Variants in SORCS1 observed in about 807,000 individuals in gnomAD.
The protein encoded by SORCS1 is sortilin related VPS10 domain containing receptor 1.
In SORCS1, 60 loss-of-function variants were observed where a neutral mutation model predicts 146.1. That is an observed-to-expected ratio of 0.41 (90% CI 0.33 to 0.51). The LOEUF (loss-of-function observed/expected upper bound fraction) is 0.51, where lower values mean the gene tolerates loss of function less well. Ranked by LOEUF, SORCS1 falls within the 20% of genes least tolerant of loss-of-function variation. The pLI is 0.21. For missense variants in SORCS1, 1,352 were observed against 1,487.6 expected, an observed-to-expected ratio of 0.91 and a Z score of 1.50; for synonymous variants, 637 against 584.0, an observed-to-expected ratio of 1.09 and a Z score of -1.31.
At chr10:106,791,558 G>A (rs1423035237) in intron 3 of SORCS1, among the ~76,000 whole-genome samples, 1 of 152,070 alleles carries the variant, frequency 6.6e-6, no homozygotes, top group Non-Finnish European at 1.5e-5. Flanking sequence ...AATTAGTTGG[G>A]CGTGGTGGTG....
chr10:106,779,463 C>T (rs575825893), intron 3 of SORCS1, among the ~76,000 whole-genome samples: 2 of 152,020 alleles, frequency 1.3e-5, no homozygotes, highest in Non-Finnish European at 2.9e-5. Flanking sequence ...TTTCTTTCTA[C>T]TTCTTTATCC....
chr10:106,788,337 C>T (rs1946155458), intron 3 of SORCS1, among the ~76,000 whole-genome samples: 1 of 152,172 alleles, frequency 6.6e-6, no homozygotes, highest in Admixed American at 6.5e-5. Context: ...CCAATTATGC[C>T]TTCCCAACAG....
rs145351938 is a variant in SORCS1 at position 107,112,845 on chromosome 10, C to T, written c.558+51124G>A. Among the ~76,000 whole-genome samples the T allele has an allele frequency of 3.5e-3, 531 of 152,104 alleles. 2 individuals carry two copies. The highest frequency in any genetic ancestry group is 0.012 in the African/African-American group (505 of 41,506). ...ATATATGCACTCAACACTGACGCAC[C>T]TAAACATATAAGGCAAAAATTTCAG... is the stretch of plus-strand genomic sequence containing the variant. On this transcript the variant is annotated intron_variant, in intron 1 of 25. Coordinates refer to ENST00000263054, the MANE Select transcript of SORCS1 (RefSeq NM_052918.5).
intron 3 of SORCS1, 137 bp from the exon 4 acceptor site, chr10:106,776,829 C>T: frequency 1.3e-6 from 1 of 799,558 alleles, no homozygotes; most frequent in Non-Finnish European, 1.9e-6. Flanking sequence ...GGGACCTTGA[C>T]TCTGTCAGGA....
intron 21 of SORCS1, among the ~76,000 whole-genome samples, chr10:106,613,881 C>A (rs1252471473): frequency 6.6e-6 from 1 of 152,070 alleles, no homozygotes; most frequent in Non-Finnish European, 1.5e-5. Context: ...CTGTCCATAC[C>A]AGCTCTCTCC....
chr10:106,713,637 A>G (rs1252034), intron 6 of SORCS1, among the ~76,000 whole-genome samples: 121,747 of 152,144 alleles, frequency 0.8, 51,269 homozygotes, highest in Non-Finnish European at 0.94. Flanking sequence ...TAGTCTTCAC[A>G]ACACTGCAGA....
intron 2 of SORCS1, among the ~76,000 whole-genome samples, chr10:106,894,304 T>A (rs983026916): frequency 7.5e-6 from 1 of 132,926 alleles, no homozygotes; most frequent in African/African-American, 2.8e-5. Flanking sequence ...TGTGTGTGTG[T>A]GTGTAGGGAG....
chr10:106,782,568 T>C (rs115919711), intron 3 of SORCS1, among the ~76,000 whole-genome samples: 1,631 of 152,296 alleles, frequency 0.011, 25 homozygotes, highest in African/African-American at 0.035. Context: ...ACAGAGTACA[T>C]AGAAGATGAG....
At chr10:106,829,927 T>C (rs1171462204) in intron 2 of SORCS1, among the ~76,000 whole-genome samples, 5 of 152,208 alleles carry the variant, frequency 3.3e-5, no homozygotes, top group Non-Finnish European at 5.9e-5. Flanking sequence ...ATAAAGAATG[T>C]GGTTAATTTA....
chr10:106,698,502 C>T (rs1564871229), intron 9 of SORCS1, among the ~76,000 whole-genome samples: 1 of 152,288 alleles, frequency 6.6e-6, no homozygotes, highest in East Asian at 1.9e-4. Flanking sequence ...CATGCCAAAG[C>T]AGCAGTTTTC....
chr10:107,129,541 C>T (rs189318291), intron 1 of SORCS1, among the ~76,000 whole-genome samples: 11 of 152,232 alleles, frequency 7.2e-5, no homozygotes, highest in East Asian at 1.9e-4. Context: ...CAGGTGGAGA[C>T]GGTTTAATGT....
chr10:107,068,316 C>A (rs1236711072), intron 1 of SORCS1, among the ~76,000 whole-genome samples: 2 of 152,246 alleles, frequency 1.3e-5, no homozygotes, highest in African/African-American at 4.8e-5. Flanking sequence ...GAACTCCCAG[C>A]ACACTACCTG....
intron 3 of SORCS1, among the ~76,000 whole-genome samples, chr10:106,789,938 G>A (rs112445908): frequency 0.011 from 1,660 of 152,288 alleles, 28 homozygotes; most frequent in African/African-American, 0.037. Context: ...TTCACAGGGC[G>A]GCAGGAGAAA....
At chr10:106,902,341 A>G (rs1236320460) in intron 2 of SORCS1, among the ~76,000 whole-genome samples, 1 of 152,186 alleles carries the variant, frequency 6.6e-6, no homozygotes, top group Admixed American at 6.5e-5. Flanking sequence ...TACATACAAC[A>G]AAAATTTGTC....
intron 20 of SORCS1, among the ~76,000 whole-genome samples, chr10:106,619,639 C>T (rs567254102): frequency 5.3e-4 from 81 of 152,174 alleles, no homozygotes; most frequent in Middle Eastern, 3.4e-3. Flanking sequence ...GACCATGCAG[C>T]CTGGTGTAGA....
Position 106,611,929 on chromosome 10 carries a change from G to A in SORCS1, c.3015C>T (p.Ile1005=). The A allele has an allele frequency of 1.2e-6, 2 of 1,613,892 alleles. No homozygotes were observed. Among genetic ancestry groups the A allele is most frequent in the East Asian group, 2.2e-5 (1 of 44,864 alleles). The part of the protein sequence containing the change: ...PEWRRDIGRV[I]KKSLVEATGV... ...CACTCACTTCCACCAGGGATTTTTT[G>A]ATGACTCGACCGATGTCCCTCCTCC... Residue 1005 remains isoleucine, a synonymous_variant, in exon 22 of 26, where the codon ATC becomes ATT. Coordinates refer to ENST00000263054, the MANE Select transcript of SORCS1 (RefSeq NM_052918.5).
chr10:107,080,261 C>G (rs1463488060), intron 1 of SORCS1, among the ~76,000 whole-genome samples: 1 of 152,162 alleles, frequency 6.6e-6, no homozygotes, highest in African/African-American at 2.4e-5. Context: ...GTGTAGTCTT[C>G]TCACTGCCAA....
chr10:106,811,267 C>A (rs375896209), intron 3 of SORCS1, among the ~76,000 whole-genome samples: 23 of 152,250 alleles, frequency 1.5e-4, no homozygotes, highest in Middle Eastern at 3.4e-3. Flanking sequence ...CAGTAGAGGA[C>A]TGCTGGTTTC....
intron 1 of SORCS1, among the ~76,000 whole-genome samples, chr10:107,058,023 T>C (rs969488518): frequency 2.0e-5 from 3 of 151,988 alleles, no homozygotes; most frequent in African/African-American, 7.3e-5. Context: ...AGACCTAAAA[T>C]CAACTTTTAA....
Sources: allele counts gnomAD v4.1 joint callset (sites outside exome capture counted in the v4.1 genomes callset), GRCh38; gene constraint gnomAD v4.1.1; transcripts MANE v1.5; gene names NCBI Gene and HGNC (gene_info 2026-07-23, HGNC 2026-07-21).